ANKS1B: variants seen among roughly 807,000 people sequenced by gnomAD.
ANKS1B encodes ankyrin repeat and sterile alpha motif domain-containing protein 1B.
In ANKS1B, 36 loss-of-function variants were observed where a neutral mutation model predicts 148.3. The ratio of observed to expected loss-of-function variants is 0.24; its 90% CI spans 0.19 to 0.32. ANKS1B has a LOEUF of 0.32. Among genes scored for constraint, ANKS1B ranks in the 10% least tolerant of loss-of-function variants. ANKS1B has a pLI of 1.00. For missense variants in ANKS1B, 1,157 were observed against 1,542.6 expected (o/e 0.75, Z 4.19); for synonymous variants, 542 against 560.8 (o/e 0.97, Z 0.47).
At chr12:98,781,768 C>A (rs1566430086) in intron 23 of ANKS1B, among the ~76,000 whole-genome samples, 1 of 152,176 alleles carries the variant, frequency 6.6e-6, no homozygotes, top group East Asian at 1.9e-4. Context: ...ATATTTACAG[C>A]AGAATCACTT....
chr12:99,331,124 A>G (rs1040249929), intron 12 of ANKS1B, among the ~76,000 whole-genome samples: 14 of 152,124 alleles, frequency 9.2e-5, no homozygotes, highest in African/African-American at 3.1e-4. Context: ...TATGATTATA[A>G]TCATATTCAT....
intron 22 of ANKS1B, among the ~76,000 whole-genome samples, chr12:98,783,104 C>T (rs1453338588): frequency 3.3e-5 from 5 of 152,234 alleles, no homozygotes; most frequent in Non-Finnish European, 4.4e-5. Flanking sequence ...TATCTTTTGC[C>T]ATGAATCCAT....
intron 22 of ANKS1B, among the ~76,000 whole-genome samples, 176 bp downstream of exon 22, chr12:98,798,758 G>C (rs576940437): frequency 6.6e-6 from 1 of 152,266 alleles, no homozygotes; most frequent in African/African-American, 2.4e-5. Context: ...TCAAACTATA[G>C]TGAGATAAGT....
intron 9 of ANKS1B, among the ~76,000 whole-genome samples, chr12:99,563,261 G>A (rs370458867): frequency 5.9e-5 from 9 of 152,274 alleles, no homozygotes; most frequent in Admixed American, 5.2e-4. Flanking sequence ...TTGGATAACT[G>A]TTTGGCATAA....
chr12:99,396,931 AT>A (rs2094263637), intron 12 of ANKS1B, among the ~76,000 whole-genome samples: 1 of 152,110 alleles, frequency 6.6e-6, no homozygotes, highest in African/African-American at 2.4e-5. Context: ...TCATTGCCCC[AT>A]TTTAGGTTTT....
chr12:99,630,958 T>A (rs1199418880), intron 9 of ANKS1B, among the ~76,000 whole-genome samples: 1 of 152,130 alleles, frequency 6.6e-6, no homozygotes, highest in Non-Finnish European at 1.5e-5. Flanking sequence ...GTCTTTCCCA[T>A]GCTTTTCTCA....
intron 9 of ANKS1B, chr12:99,649,278 C>T: frequency 6.2e-7 from 1 of 1,606,638 alleles, no homozygotes; most frequent in Non-Finnish European, 8.5e-7. Context: ...CTTATTTGTT[C>T]TCTCCCTAGG....
In ANKS1B at chr12:99,405,434, CTTGT is replaced by C. The variant is rs1188763706; in HGVS notation, c.1576-5627_1576-5624del. On this transcript the variant is annotated intron_variant, in intron 11 of 26. Transcript: ENST00000683438. ...ACAATATTTATTAGTTTTTCCTTTG[CTTGT>C]TTGTTTATGTAATCAGTGTTAAGTT... Among the ~76,000 whole-genome samples, 11 of 145,724 alleles carry C rather than the reference CTTGT, an allele frequency of 7.5e-5. 1 individual carries two copies. The East Asian group carries it at 1.3e-3, about 18-fold the overall frequency.
At chr12:98,891,873 T>G (rs1035465615) in intron 17 of ANKS1B, among the ~76,000 whole-genome samples, 1 of 152,196 alleles carries the variant, frequency 6.6e-6, no homozygotes, top group African/African-American at 2.4e-5. Context: ...CTATTCACAC[T>G]TCTGTTAATT....
Position 99,772,979 on chromosome 12 carries a change from T to A in ANKS1B, c.1071A>T (p.Leu357Phe). The A allele has an allele frequency of 6.2e-7, 1 of 1,612,478 alleles. No individual in the cohort carries two copies. Among genetic ancestry groups the A allele is most frequent in the Non-Finnish European group, 8.5e-7 (1 of 1,179,084 alleles). The change falls in exon 8 of 27, where the codon TTA becomes TTT. Residue 357 changes from leucine to phenylalanine, a missense_variant. Physicochemically the swap from Leu to Phe is conservative, Grantham distance 22. Around this residue, in one of 6 missense-constraint regions of ANKS1B, gnomAD observed 661 missense variants for 642.1 expected, o/e 1.03. Transcript: ENST00000683438. ...CCTCTGAAATCTTGCTCAAATTATCTAAGTAGTGGTCTGATATTGTGTGGC... is the reference window on the plus strand; with the variant it reads ...CCTCTGAAATCTTGCTCAAATTATCAAAGTAGTGGTCTGATATTGTGTGGC... ...DLCHTISDHYLDNLSKISEEE... is the reference protein window; with the variant it reads ...DLCHTISDHYFDNLSKISEEE...
At chr12:99,737,252 A>G (rs1291201214) in intron 8 of ANKS1B, among the ~76,000 whole-genome samples, 1 of 152,172 alleles carries the variant, frequency 6.6e-6, no homozygotes, top group Non-Finnish European at 1.5e-5. Flanking sequence ...TTATTACAGC[A>G]CTATTCACAA....
chr12:99,749,544 T>C (rs369405572), intron 8 of ANKS1B, among the ~76,000 whole-genome samples: 11 of 152,212 alleles, frequency 7.2e-5, no homozygotes, highest in African/African-American at 2.2e-4. Context: ...TTTGAAGAGA[T>C]ACATGGAAAA....
At chr12:99,032,113 AC>A (rs2099952597) in intron 17 of ANKS1B, among the ~76,000 whole-genome samples, 1 of 152,132 alleles carries the variant, frequency 6.6e-6, no homozygotes, top group African/African-American at 2.4e-5. Context: ...TCGTGCCCAA[AC>A]CCTCATGGGG....
chr12:99,340,875 A>G (rs1476132697), intron 12 of ANKS1B, among the ~76,000 whole-genome samples: 2 of 152,140 alleles, frequency 1.3e-5, no homozygotes. Flanking sequence ...TAAAATACAG[A>G]TAAGCATAAA....
At chr12:99,072,639 G>A (rs1304538655) in intron 16 of ANKS1B, among the ~76,000 whole-genome samples, 2 of 152,228 alleles carry the variant, frequency 1.3e-5, no homozygotes, top group Admixed American at 6.5e-5. Flanking sequence ...GAAGTACAGC[G>A]TTTAGACAAT....
intron 12 of ANKS1B, among the ~76,000 whole-genome samples, chr12:99,300,558 C>T (rs924712660): frequency 6.6e-6 from 1 of 152,000 alleles, no homozygotes; most frequent in Non-Finnish European, 1.5e-5. Context: ...GCTTGCAGTA[C>T]AATTTTGTTT....
chr12:98,887,458 T>C (rs962875372), intron 17 of ANKS1B, among the ~76,000 whole-genome samples: 3 of 152,210 alleles, frequency 2.0e-5, no homozygotes, highest in African/African-American at 7.2e-5. Context: ...CACAGAAATC[T>C]TGATCCACTC....
rs138290805 is a variant in ANKS1B at position 99,007,840 on chromosome 12, C to T, written c.2778+45317G>A. ...TTGCTGTCTCTCTAGCATACCCTAG[C>T]GACCACTGAGACTCTTGTGGGGCAG... On this transcript the variant is annotated intron_variant, in intron 17 of 26. Transcript: ENST00000683438. Among the ~76,000 whole-genome samples the T allele has an allele frequency of 1.3e-4, 19 of 151,970 alleles. No individual in the cohort carries two copies. In the South Asian group the frequency reaches 2.9e-3, roughly 23 times the overall value.
intron 1 of ANKS1B, among the ~76,000 whole-genome samples, chr12:99,935,364 A>AAG (rs2094737320): frequency 6.6e-6 from 1 of 151,772 alleles, no homozygotes; most frequent in African/African-American, 2.4e-5. Flanking sequence ...TGACAAAAAA[A>AAG]AAAAAAAACT....
Sources: gnomAD v4.1 joint callset for allele counts (sites outside exome capture counted in the v4.1 genomes callset) on GRCh38, gnomAD v4.1.1 for gene constraint, gnomAD v4.1.1 regional missense constraint, MANE v1.5 for transcripts, NCBI Gene and HGNC (gene_info 2026-07-23, HGNC 2026-07-21) for gene names.